The following TMEM150C variants were observed in gnomAD, a reference collection of about 807,000 sequenced individuals.
The protein encoded by TMEM150C is tentonin 3.
Under a neutral mutation model 29.9 loss-of-function variants are expected in TMEM150C, and 10 were observed. The ratio of observed to expected loss-of-function variants is 0.33; its 90% CI spans 0.21 to 0.57. The LOEUF is 0.57. Ranked by LOEUF, TMEM150C falls within the 20% of genes least tolerant of loss-of-function variation. TMEM150C has a pLI of 0.88. For missense variants in TMEM150C, 251 were observed against 303.6 expected (o/e 0.83, Z 1.29); for synonymous variants, 101 against 112.5 (o/e 0.90, Z 0.64).
At chr4:82,502,983 C>A in intron 3 of TMEM150C, 56 bp from the exon 4 acceptor site, 1 of 1,595,340 alleles carries the variant, frequency 6.3e-7, no homozygotes, top group Non-Finnish European at 8.5e-7. Context: ...GTCATTTGTG[C>A]AGTTTAACCT....
intron 1 of TMEM150C, among the ~76,000 whole-genome samples, chr4:82,532,730 CTTT>C (rs879674239): frequency 2.9e-5 from 4 of 139,994 alleles, no homozygotes; most frequent in East Asian, 2.1e-4. Context: ...GTCAAGTAAA[CTTT>C]TTTTTTTTTT....
At chr4:82,494,340 T>C (rs1723467196) in intron 6 of TMEM150C, among the ~76,000 whole-genome samples, 1 of 152,200 alleles carries the variant, frequency 6.6e-6, no homozygotes, top group Non-Finnish European at 1.5e-5. Context: ...CAAGGAAAAT[T>C]ATGCTTAAAG....
intron 1 of TMEM150C, among the ~76,000 whole-genome samples, chr4:82,523,149 T>C (rs1210436419): frequency 2.6e-5 from 4 of 151,070 alleles, no homozygotes; most frequent in Non-Finnish European, 5.9e-5. Flanking sequence ...ACATGAGGAG[T>C]GGTTTTAAGG....
chr4:82,533,871 A>G (rs547669232), intron 1 of TMEM150C, among the ~76,000 whole-genome samples: 1 of 152,344 alleles, frequency 6.6e-6, no homozygotes, highest in South Asian at 2.1e-4. Context: ...CTATCAGTCC[A>G]GGTTTCAATA....
intron 1 of TMEM150C, among the ~76,000 whole-genome samples, chr4:82,556,028 G>A (rs77214155): frequency 0.024 from 3,705 of 151,988 alleles, 144 homozygotes; most frequent in African/African-American, 0.084. Context: ...TATTACATAT[G>A]GACTGAGTGG....
At chr4:82,534,503 C>T (rs985737776) in intron 1 of TMEM150C, among the ~76,000 whole-genome samples, 2 of 152,076 alleles carry the variant, frequency 1.3e-5, no homozygotes, top group African/African-American at 4.8e-5. Context: ...GAAAACTTTG[C>T]TAAAAGATAA....
intron 5 of TMEM150C, 45 bp downstream of exon 5, chr4:82,502,682 A>C: frequency 6.4e-7 from 1 of 1,551,644 alleles, no homozygotes; most frequent in Non-Finnish European, 8.8e-7. Flanking sequence ...AAAATACAAA[A>C]GAAATGTACC....
intron 1 of TMEM150C, among the ~76,000 whole-genome samples, chr4:82,557,809 C>A (rs1725784012): frequency 6.7e-6 from 1 of 149,664 alleles, no homozygotes; most frequent in Admixed American, 6.7e-5. Context: ...TCTTGGCTCA[C>A]TGCAACCTCT....
intron 2 of TMEM150C, among the ~76,000 whole-genome samples, chr4:82,504,352 T>C (rs1426742198): frequency 6.6e-6 from 1 of 152,064 alleles, no homozygotes; most frequent in African/African-American, 2.4e-5. Flanking sequence ...TACAGGCGTG[T>C]GCCATCACAC....
At chr4:82,504,228 C>G (rs907838270) in intron 2 of TMEM150C, among the ~76,000 whole-genome samples, 2 of 152,088 alleles carry the variant, frequency 1.3e-5, no homozygotes, top group South Asian at 2.1e-4. Flanking sequence ...GGGGTGGGGA[C>G]AGTCTTGCTC....
At chr4:82,499,906 G>A (rs1345224476) in intron 5 of TMEM150C, among the ~76,000 whole-genome samples, 1 of 152,050 alleles carries the variant, frequency 6.6e-6, no homozygotes, top group Admixed American at 6.6e-5. Flanking sequence ...ATGCATCAAT[G>A]ATTCCTATTT....
chr4:82,490,383 G>A (rs1036994085), intron 6 of TMEM150C, 145 bp from the exon 7 acceptor site: 136 of 745,262 alleles, frequency 1.8e-4, no homozygotes, highest in African/African-American at 1.8e-3. Context: ...TTAGCTCTTC[G>A]TTCTATTCTC....
At chr4:82,544,372 G>T (rs1417275826) in intron 1 of TMEM150C, among the ~76,000 whole-genome samples, 1 of 152,206 alleles carries the variant, frequency 6.6e-6, no homozygotes, top group Non-Finnish European at 1.5e-5. Context: ...AACTAGCAGG[G>T]TTATTAAGGA....
At chr4:82,533,461 G>A (rs1443093055) in intron 1 of TMEM150C, among the ~76,000 whole-genome samples, 1 of 152,070 alleles carries the variant, frequency 6.6e-6, no homozygotes, top group African/African-American at 2.4e-5. Context: ...TTTTATTTCT[G>A]AACAAAATAT....
At chr4:82,508,693 T>C (rs1330082206) in intron 1 of TMEM150C, among the ~76,000 whole-genome samples, 1 of 152,172 alleles carries the variant, frequency 6.6e-6, no homozygotes. Flanking sequence ...CTCGAATTCC[T>C]GACCTCAGGT....
chr4:82,541,417 T>C (rs1471108595), intron 1 of TMEM150C, among the ~76,000 whole-genome samples: 1 of 151,798 alleles, frequency 6.6e-6, no homozygotes, highest in Non-Finnish European at 1.5e-5. Flanking sequence ...ACCATTGATG[T>C]GAAAAAACAG....
At chr4:82,496,472 G>T (rs1723561587) in intron 5 of TMEM150C, among the ~76,000 whole-genome samples, 1 of 152,168 alleles carries the variant, frequency 6.6e-6, no homozygotes, top group South Asian at 2.1e-4. Context: ...AGGCAGAGAG[G>T]ACTCGAGGCA....
At chr4:82,531,629 C>T (rs56280214) in intron 1 of TMEM150C, among the ~76,000 whole-genome samples, 5 of 152,006 alleles carry the variant, frequency 3.3e-5, no homozygotes, top group Non-Finnish European at 7.4e-5. Context: ...GTGGCACACA[C>T]CTGTAATCCC....
At chr4:82,486,793 T>C (rs1723175820) in intron 7 of TMEM150C, among the ~76,000 whole-genome samples, 1 of 151,798 alleles carries the variant, frequency 6.6e-6, no homozygotes, top group South Asian at 2.1e-4. Context: ...GATATATATA[T>C]GGAGTGTGTG....
Sources: gnomAD v4.1 joint callset for allele counts (sites outside exome capture counted in the v4.1 genomes callset) on GRCh38, gnomAD v4.1.1 for gene constraint, MANE v1.5 for transcripts, NCBI Gene and HGNC (gene_info 2026-07-23, HGNC 2026-07-21) for gene names.